Variants in ADGB observed in about 807,000 individuals in gnomAD.
ADGB encodes the protein androglobin.
In ADGB, 172 loss-of-function variants were observed where a neutral mutation model predicts 210.5. That is an observed-to-expected ratio of 0.82 (90% CI 0.72 to 0.93). ADGB has a LOEUF of 0.93. ADGB is among the 40% of genes least tolerant of loss of function. The pLI is 0.00. For missense variants in ADGB, 2,025 were observed against 1,964.8 expected (o/e 1.03, Z -0.58); for synonymous variants, 658 against 662.7 (o/e 0.99, Z 0.11).
rs151125247 is a variant in ADGB, at chr6:146,728,339, G to A, written c.2353-235G>A. ...ATTAATACGGTGGGGGAAATTTTAC[G>A]TGATCCCCAATATGAGATGAATATT... On this transcript the variant is annotated intron_variant, in intron 19 of 35. Transcript: ENST00000397944. Among the ~76,000 whole-genome samples the A allele has an allele frequency of 1.7e-3, 260 of 152,202 alleles. 4 individuals are homozygous for A. In the East Asian group the frequency reaches 0.042, roughly 24 times the overall value.
chr6:146,749,907 C>CA lies in ADGB; in HGVS notation c.3366-2622dup, dbSNP rs546739783. ...GAGAACTCACTCACTATCATGAGGA[C>CA]AGCAAGGGGAATTCCATCCCCATGA... On this transcript the variant is annotated intron_variant, in intron 26 of 35. Transcript: ENST00000397944. 1.7e-3 allele frequency among the ~76,000 whole-genome samples: 259 copies of CA among 152,214 alleles called. 1 individual carries two copies. Among genetic ancestry groups the CA allele is most frequent in the African/African-American group, 5.7e-3 (238 of 41,542 alleles).
intron 32 of ADGB, among the ~76,000 whole-genome samples, chr6:146,788,132 G>A (rs1777904191): frequency 6.6e-6 from 1 of 152,146 alleles, no homozygotes. Flanking sequence ...CTATTTCCAT[G>A]TATGCTGTCC....
At chr6:146,724,421 C>A in intron 18 of ADGB, 94 bp downstream of exon 18, 1 of 1,279,904 alleles carries the variant, frequency 7.8e-7, no homozygotes, top group Non-Finnish European at 1.0e-6. Flanking sequence ...GACTCTAAGA[C>A]ATTGTTTCTC....
chr6:146,729,408 T>A (rs1298802253), intron 20 of ADGB, among the ~76,000 whole-genome samples: 1 of 152,202 alleles, frequency 6.6e-6, no homozygotes, highest in Non-Finnish European at 1.5e-5. Flanking sequence ...AGAAAAGCCG[T>A]CAGGTCATGT....
chr6:146,643,553 T>C (rs1037103078), intron 2 of ADGB, among the ~76,000 whole-genome samples: 12 of 151,864 alleles, frequency 7.9e-5, no homozygotes, highest in African/African-American at 2.4e-5. Context: ...CAAAGCATTT[T>C]TAACTTACTA....
intron 35 of ADGB, among the ~76,000 whole-genome samples, chr6:146,808,044 G>C (rs1198092925): frequency 7.9e-6 from 1 of 126,816 alleles, no homozygotes; most frequent in South Asian, 2.6e-4. Context: ...CTGTTGCCCA[G>C]GCTGGAGTGC....
chr6:146,773,963 T>C (rs1777688878), intron 29 of ADGB, among the ~76,000 whole-genome samples: 1 of 152,136 alleles, frequency 6.6e-6, no homozygotes, highest in African/African-American at 2.4e-5. Context: ...ACAGACAGTT[T>C]AAGAAACTTG....
chr6:146,680,857 C>G (rs935322906), intron 9 of ADGB, among the ~76,000 whole-genome samples: 1 of 152,118 alleles, frequency 6.6e-6, no homozygotes, highest in Non-Finnish European at 1.5e-5. Context: ...TTCTTTACCA[C>G]AATTAATTGG....
intron 12 of ADGB, among the ~76,000 whole-genome samples, chr6:146,693,918 A>G (rs1776370078): frequency 6.6e-6 from 1 of 152,134 alleles, no homozygotes; most frequent in South Asian, 2.1e-4. Flanking sequence ...TTTCCATTTG[A>G]GACCTCATCA....
intron 13 of ADGB, among the ~76,000 whole-genome samples, chr6:146,706,143 C>G (rs2114551077): frequency 6.6e-6 from 1 of 151,586 alleles, no homozygotes; most frequent in African/African-American, 2.4e-5. Context: ...CTAGGCTAGT[C>G]TCAAACTCTT....
At chr6:146,639,943 GA>G (rs1276307680) in intron 2 of ADGB, among the ~76,000 whole-genome samples, 1 of 151,806 alleles carries the variant, frequency 6.6e-6, no homozygotes, top group Non-Finnish European at 1.5e-5. Flanking sequence ...ATTGACACAT[GA>G]AAAACAATTT....
intron 18 of ADGB, 190 bp from the exon 19 acceptor site, chr6:146,725,893 T>C: frequency 2.3e-6 from 1 of 439,436 alleles, no homozygotes; most frequent in South Asian, 5.4e-5. Context: ...AAGTAAAGCG[T>C]AGATTTCATG....
intron 33 of ADGB, among the ~76,000 whole-genome samples, chr6:146,795,832 A>C (rs1269552193): frequency 6.6e-6 from 1 of 152,160 alleles, no homozygotes; most frequent in Non-Finnish European, 1.5e-5. Flanking sequence ...TAGCAAAGAC[A>C]TGGAAGCAAC....
chr6:146,670,024 A>C (rs138388037), intron 7 of ADGB, among the ~76,000 whole-genome samples: 26 of 152,140 alleles, frequency 1.7e-4, no homozygotes, highest in Admixed American at 5.2e-4. Flanking sequence ...CTCACATAAA[A>C]TCTCTCACTG....
intron 29 of ADGB, among the ~76,000 whole-genome samples, chr6:146,781,755 G>A (rs999563083): frequency 6.6e-6 from 1 of 152,046 alleles, no homozygotes; most frequent in East Asian, 1.9e-4. Flanking sequence ...GAAATAAATT[G>A]TATAGTGGTG....
At position 146,815,296 on chromosome 6, in the gene ADGB, A is replaced by C. The variant is rs1356260098; in HGVS notation, c.*79A>C. 8 of 1,073,676 alleles carry C rather than the reference A, an allele frequency of 7.5e-6. No individual in the cohort carries two copies. The Admixed American group carries it at 2.4e-4, about 32-fold the overall frequency. The allele number at this position is 1,073,676 out of a possible 1,614,324, so 66.5% of individuals were successfully genotyped here. ...TGATCTTTAACTGCCTGCTGTTAAG[A>C]TATTAGGCCAAATGAAAATAGAAAT... is the stretch of plus-strand genomic sequence containing the variant. On this transcript the variant is annotated 3_prime_UTR_variant, in exon 36 of 36. Transcript: ENST00000397944.
Position 146,701,053 on chromosome 6 carries a change from A to G in ADGB, c.1690A>G (p.Thr564Ala). 6.4e-7 allele frequency: 1 copy of G among 1,550,548 alleles called. No individual in the cohort carries two copies. Among genetic ancestry groups the G allele is most frequent in the Non-Finnish European group, 8.7e-7 (1 of 1,146,322 alleles). ...TAGCCAGACAGACTTGAGTCAAATA[A>G]CAAAAGCTACATCTCAGGTGACTAT... ...THSQTDLSQITKATSQGNTAS... is the reference protein window; with the variant it reads ...THSQTDLSQIAKATSQGNTAS... The change falls in exon 13 of 36, where the codon ACA becomes GCA. Residue 564 changes from threonine (T) to alanine (A), a missense_variant. Thr to Ala is a moderately conservative substitution (Grantham distance 58). Transcript: ENST00000397944.
chr6:146,630,157 A>G (rs1781039466), intron 1 of ADGB, among the ~76,000 whole-genome samples: 1 of 152,134 alleles, frequency 6.6e-6, no homozygotes, highest in Non-Finnish European at 1.5e-5. Context: ...GAATCGCTTG[A>G]ACCCGGGAGG....
At position 146,639,412 on chromosome 6, in the gene ADGB, G is replaced by A. The variant is rs113172417; in HGVS notation, c.237+3875G>A. ...GAGCCATCTATGAAAAACCCACAGC[G>A]AACATTATACTGAATGGCAAGACCT... On this transcript the variant is annotated intron_variant, in intron 2 of 35. Transcript: ENST00000397944. Among the ~76,000 whole-genome samples the A allele has an allele frequency of 6.5e-3, 995 of 151,976 alleles. 7 individuals carry two copies. The highest frequency in any genetic ancestry group is 0.022 in the African/African-American group (909 of 41,500).
Sources: allele counts gnomAD v4.1 joint callset (sites outside exome capture counted in the v4.1 genomes callset), GRCh38; gene constraint gnomAD v4.1.1; transcripts MANE v1.5; gene names NCBI Gene and HGNC (gene_info 2026-07-23, HGNC 2026-07-21).